The following DYNC1H1 variants were observed in gnomAD, a reference collection of about 807,000 sequenced individuals.
The protein encoded by DYNC1H1 is dynein cytoplasmic 1 heavy chain 1, also known as cytoplasmic dynein 1 heavy chain 1.
A neutral mutation model predicts 527.1 loss-of-function variants in DYNC1H1; 51 were observed. The ratio of observed to expected loss-of-function variants is 0.10; its 90% CI spans 0.08 to 0.12. The LOEUF is 0.12. DYNC1H1 is among the 10% of genes least tolerant of loss of function. DYNC1H1 has a pLI of 1.00. For missense variants in DYNC1H1, 2,771 were observed against 5,971.8 expected, an observed-to-expected ratio of 0.46 and a Z score of 17.66; for synonymous variants, 2,189 against 2,278.8, an observed-to-expected ratio of 0.96 and a Z score of 1.12.
At position 101,986,315 on chromosome 14, in the gene DYNC1H1, A is replaced by C. The variant is rs749149789; in HGVS notation, c.2090A>C (p.Glu697Ala). The C allele has an allele frequency of 3.1e-6, 5 of 1,613,866 alleles. No homozygotes were observed. The highest frequency in any genetic ancestry group is 4.2e-6 in the Non-Finnish European group (5 of 1,179,954). Residue 697 changes from glutamate to alanine, a missense_variant, in exon 8 of 78, where the codon GAG (glutamate) becomes GCG (alanine). Physicochemically the swap from Glu to Ala is moderately radical, Grantham distance 107. Coordinates refer to ENST00000360184, the MANE Select transcript of DYNC1H1 (RefSeq NM_001376.5). The surrounding 1 kb of genome is among the most constrained non-coding windows in gnomAD (Gnocchi z 8.7). The stretch of plus-strand genomic sequence containing the variant: ...TTCCGCATGAAGCTCAACACGCAGG[A>C]GATCTTTGATGACTGGGCAAGGAAG... ...DSFRMKLNTQ[E>A]IFDDWARKVQ...
chr14:102,027,723 C>T lies in DYNC1H1; in HGVS notation c.9153C>T (p.Tyr3051=), dbSNP rs1486071744. ...GLMLDSHEEL[Y]KWFTSQVIRN... is the part of the protein sequence containing the mutation. ...TGCTGGACTCGCACGAGGAGCTCTA[C>T]AAGTGGTTCACTAGCCAGGTTATCC... The change falls in exon 47 of 78, where the codon TAC becomes TAT. Residue 3051 remains tyrosine (Y), a synonymous_variant. Transcript: ENST00000360184. This position sits in a 1 kb window ranked among gnomAD's most constrained non-coding sequence, Gnocchi z 7.7. 1.2e-6 allele frequency: 2 copies of T among 1,614,164 alleles called. No individual in the cohort carries two copies. Among genetic ancestry groups the T allele is most frequent in the South Asian group, 1.1e-5 (1 of 91,086 alleles).
In DYNC1H1 at chr14:102,044,531, C is replaced by T. The variant is rs567486010; in HGVS notation, c.12902+40C>T. 184 of 1,614,084 alleles carry T rather than the reference C, an allele frequency of 1.1e-4. 2 individuals are homozygous for T. The South Asian group carries it at 2.0e-3, about 17-fold the overall frequency. On this transcript the variant is annotated intron_variant, in intron 71 of 77. Coordinates refer to ENST00000360184, the MANE Select transcript of DYNC1H1 (RefSeq NM_001376.5). This position sits in a 1 kb window ranked among gnomAD's most constrained non-coding sequence, Gnocchi z 7.1. ...GCTGGAATGGAGACAGTTGTGATGT[C>T]AGGGCGTCTGGTGTCACTCAGAGGT...
intron 10 of DYNC1H1, among the ~76,000 whole-genome samples, chr14:101,990,764 A>T (rs2047987985): frequency 6.6e-6 from 1 of 152,032 alleles, no homozygotes; most frequent in African/African-American, 2.4e-5. Context: ...TAATCCCAGC[A>T]CTTTGAGAGG....
chr14:102,032,488 A>G (rs753607550), intron 52 of DYNC1H1, 21 bp downstream of exon 52: 2 of 1,613,806 alleles, frequency 1.2e-6, no homozygotes, highest in East Asian at 2.2e-5. Context: ...GGAAGTGCCA[A>G]GGTATTGCCA....
In DYNC1H1 at chr14:102,008,234, C is replaced by T. The variant is rs142726284; in HGVS notation, c.5874C>T (p.Asp1958=). The T allele has an allele frequency of 3.4e-5, 55 of 1,614,086 alleles. No individual in the cohort carries two copies. The Middle Eastern group carries it at 8.2e-4, about 24-fold the overall frequency. ...LCQVGAWGCF[D]EFNRLEERML... ...AGGTGGGTGCCTGGGGCTGCTTTGACGAGTTCAACCGCCTGGAGGAGCGGA... is the reference window on the plus strand; with the variant it reads ...AGGTGGGTGCCTGGGGCTGCTTTGATGAGTTCAACCGCCTGGAGGAGCGGA... Residue 1958 remains aspartate (D), a synonymous_variant, in exon 29 of 78, where the codon GAC becomes GAT. Transcript: ENST00000360184.
At chr14:102,000,573 CTTTTTTTTTT>C (rs11381677) in intron 18 of DYNC1H1, 174 bp downstream of exon 18, 1 of 419,862 alleles carries the variant, frequency 2.4e-6, no homozygotes, top group Non-Finnish European at 4.2e-6. Flanking sequence ...ATTTTGAAAC[CTTTTTTTTTT>C]TTTTTTTTGA....
intron 51 of DYNC1H1, chr14:102,030,704 A>G: frequency 3.9e-6 from 1 of 258,938 alleles, no homozygotes; most frequent in South Asian, 4.3e-5. Flanking sequence ...TTAAGTATTG[A>G]TAGCAGTCAC....
chr14:102,033,782 CTGAGATTCTGAGTCGTG>C lies in DYNC1H1; in HGVS notation c.10414-191_10414-175del. ...CGCTCCGTACCCAGCTTCTGCCCCG[CTGAGATTCTGAGTCGTG>C]TGTGGTCATTAGTTATATATGATCT... is the stretch of plus-strand genomic sequence containing the variant. On this transcript the variant is annotated intron_variant, in intron 54 of 77. Coordinates refer to ENST00000360184, the MANE Select transcript of DYNC1H1 (RefSeq NM_001376.5). The surrounding 1 kb of genome is among the most constrained non-coding windows in gnomAD (Gnocchi z 5.6). The C allele has an allele frequency of 1.4e-6, 1 of 711,014 alleles. No homozygotes were observed. Among genetic ancestry groups the C allele is most frequent in the Non-Finnish European group, 2.4e-6 (1 of 420,758 alleles). The allele number at this position is 711,014 out of a possible 1,614,324, so 44.0% of individuals were successfully genotyped here.
rs927194960 is a variant in DYNC1H1, at chr14:102,001,378, G to A, written c.4395+24G>A. Reference sequence around the variant, plus strand: ...AGGCGAGTAATAGGACTGAACGGCTGCTTTACGTTGTGTTTCGGGCTGTTA... The same window carrying A: ...AGGCGAGTAATAGGACTGAACGGCTACTTTACGTTGTGTTTCGGGCTGTTA... On this transcript the variant is annotated intron_variant, in intron 20 of 77. Transcript: ENST00000360184. This position sits in a 1 kb window ranked among gnomAD's most constrained non-coding sequence, Gnocchi z 5.0. 6.2e-7 allele frequency: 1 copy of A among 1,613,970 alleles called. No homozygotes were observed. Among genetic ancestry groups the A allele is most frequent in the Non-Finnish European group, 8.5e-7 (1 of 1,179,950 alleles).
Position 101,985,641 on chromosome 14 carries a change from C to G in DYNC1H1, c.1462-46C>G. 1.9e-6 allele frequency: 3 copies of G among 1,608,164 alleles called. No homozygotes were observed. Among genetic ancestry groups the G allele is most frequent in the Non-Finnish European group, 2.6e-6 (3 of 1,174,688 alleles). ...ACCCGGCTTAAAATAAATTTTAAAGCCTTCGTTTGGTCAGCATTTCTTGAT... is the reference window on the plus strand; with the variant it reads ...ACCCGGCTTAAAATAAATTTTAAAGGCTTCGTTTGGTCAGCATTTCTTGAT... On this transcript the variant is annotated intron_variant, in intron 7 of 77. Transcript: ENST00000360184. This position sits in a 1 kb window ranked among gnomAD's most constrained non-coding sequence, Gnocchi z 5.9.
intron 28 of DYNC1H1, among the ~76,000 whole-genome samples, chr14:102,007,548 C>T (rs546106945): frequency 6.6e-6 from 1 of 152,170 alleles, no homozygotes; most frequent in Non-Finnish European, 1.5e-5. Flanking sequence ...CATGAAGTAA[C>T]TGCTGTGTGT....
chr14:102,010,713 G>A lies in DYNC1H1; in HGVS notation c.6406-27G>A. ...GGCAGTACTTGAGCCATGCTGCGCTGCTCACAGCCCAGCCCTCTCCCCGTA... is the reference window on the plus strand; with the variant it reads ...GGCAGTACTTGAGCCATGCTGCGCTACTCACAGCCCAGCCCTCTCCCCGTA... On this transcript the variant is annotated intron_variant, in intron 31 of 77. Coordinates refer to ENST00000360184, the MANE Select transcript of DYNC1H1 (RefSeq NM_001376.5). This position sits in a 1 kb window ranked among gnomAD's most constrained non-coding sequence, Gnocchi z 6.0. The A allele has an allele frequency of 6.2e-7, 1 of 1,611,820 alleles. No individual in the cohort carries two copies. Among genetic ancestry groups the A allele is most frequent in the Non-Finnish European group, 8.5e-7 (1 of 1,179,670 alleles).
chr14:102,042,418 G>A lies in DYNC1H1; in HGVS notation c.12310G>A (p.Gly4104Arg). Residue 4104 changes from glycine to arginine, a missense_variant, in exon 68 of 78, where the codon GGG becomes AGG. By Grantham distance (125) the Gly-to-Arg change is moderately radical. Transcript: ENST00000360184. This position sits in a 1 kb window ranked among gnomAD's most constrained non-coding sequence, Gnocchi z 5.7. ...VMLKNVHLAP[G>R]WLMQLEKKLH... ...GCTGAAGAATGTGCATCTGGCCCCAGGGTGGCTGATGCAGCTGGAGAAGAA... is the reference window on the plus strand; with the variant it reads ...GCTGAAGAATGTGCATCTGGCCCCAAGGTGGCTGATGCAGCTGGAGAAGAA... The A allele has an allele frequency of 6.2e-7, 1 of 1,614,188 alleles. No homozygotes were observed. The highest frequency in any genetic ancestry group is 8.5e-7 in the Non-Finnish European group (1 of 1,180,042).
intron 55 of DYNC1H1, 49 bp from the exon 56 acceptor site, chr14:102,034,276 C>T: frequency 6.2e-7 from 1 of 1,614,170 alleles, no homozygotes; most frequent in Non-Finnish European, 8.5e-7. Context: ...TGAGAACAGT[C>T]CCATCTGTGG....
Position 102,017,180 on chromosome 14 carries a change from G to T in DYNC1H1, c.7941G>T (p.Gly2647=), listed in dbSNP as rs780976138. ...HYCEYRRTPN[G]VVLAPVQLGK... is the part of the protein sequence containing the mutation. ...GCGAGTACAGGCGCACACCTAATGGGGTGGTTTTGGCTCCTGTTCAACTTG... is the reference window on the plus strand; with the variant it reads ...GCGAGTACAGGCGCACACCTAATGGTGTGGTTTTGGCTCCTGTTCAACTTG... Residue 2647 remains glycine (G), a synonymous_variant, in exon 39 of 78, where the codon GGG becomes GGT. Coordinates refer to ENST00000360184, the MANE Select transcript of DYNC1H1 (RefSeq NM_001376.5). The surrounding 1 kb of genome is among the most constrained non-coding windows in gnomAD (Gnocchi z 4.6). 16 of 1,614,246 alleles carry T rather than the reference G, an allele frequency of 9.9e-6. No individual in the cohort carries two copies. In the South Asian group the frequency reaches 1.6e-4, roughly 17 times the overall value.
Position 102,034,055 on chromosome 14 carries a change from A to C in DYNC1H1, c.10493A>C (p.Asn3498Thr), listed in dbSNP as rs1185540725. Residue 3498 changes from asparagine (N) to threonine (T), a missense_variant, in exon 55 of 78, where the codon AAC becomes ACC. By Grantham distance (65) the Asn-to-Thr change is moderately conservative. This residue lies in a region of DYNC1H1 where 283 missense variants were observed against 737.6 expected (regional missense o/e 0.38). Coordinates refer to ENST00000360184, the MANE Select transcript of DYNC1H1 (RefSeq NM_001376.5). Reference sequence around the variant, plus strand: ...GAAAAAACAAGTGAAACTTTCAAAAACCAGATGTCCACCATTGCTGGGGAC... The same window carrying C: ...GAAAAAACAAGTGAAACTTTCAAAACCCAGATGTCCACCATTGCTGGGGAC... ...RWEKTSETFK[N>T]QMSTIAGDCL... 6.2e-7 allele frequency: 1 copy of C among 1,613,950 alleles called. No individual in the cohort carries two copies. Among genetic ancestry groups the C allele is most frequent in the Non-Finnish European group, 8.5e-7 (1 of 1,180,036 alleles).
intron 23 of DYNC1H1, among the ~76,000 whole-genome samples, chr14:102,003,651 C>T (rs75895593): frequency 2.0e-5 from 3 of 152,120 alleles, no homozygotes; most frequent in South Asian, 2.1e-4. Context: ...GTTAATAGGC[C>T]GGGCGTGGTG....
In DYNC1H1 at chr14:102,012,809, A is replaced by G. The variant is rs1033394749; in HGVS notation, c.7014+339A>G. ...GAGCTGGGAAAATGAGAAATTTGGA[A>G]TGGGGCTTTCTAGGCTGTCCCTTGG... On this transcript the variant is annotated intron_variant, in intron 34 of 77. Transcript: ENST00000360184. The surrounding 1 kb of genome is among the most constrained non-coding windows in gnomAD (Gnocchi z 4.9). 2.1e-5 allele frequency: 8 copies of G among 374,998 alleles called. No homozygotes were observed. Among genetic ancestry groups the G allele is most frequent in the African/African-American group, 1.7e-4 (8 of 47,710 alleles). 23.2% of individuals were successfully genotyped at this position (374,998 alleles called of 1,614,324 possible).
chr14:101,990,134 G>A (rs144507269), intron 10 of DYNC1H1, among the ~76,000 whole-genome samples: 205 of 152,234 alleles, frequency 1.3e-3, no homozygotes, highest in Non-Finnish European at 2.6e-3. Context: ...TTCTCAGAAC[G>A]TATCCCTGTT....
Sources: allele counts gnomAD v4.1 joint callset (sites outside exome capture counted in the v4.1 genomes callset), GRCh38; gene constraint gnomAD v4.1.1; regional missense constraint gnomAD v4.1.1; non-coding constraint Gnocchi (gnomAD v3.1); transcripts MANE v1.5; gene names NCBI Gene and HGNC (gene_info 2026-07-23, HGNC 2026-07-21).